The following UBOX5 variants were observed in gnomAD, a reference collection of about 807,000 sequenced individuals.
The protein encoded by UBOX5 is RING finger protein 37.
UBOX5 carries 28 observed loss-of-function variants against 39.0 expected under a neutral mutation model. The observed-to-expected ratio is 0.72, with a 90% CI of 0.53 to 0.98. The LOEUF (loss-of-function observed/expected upper bound fraction) is 0.98. UBOX5 is among the 50% of genes least tolerant of loss of function. The pLI is 0.00. For missense variants in UBOX5, 585 were observed against 674.4 expected, an observed-to-expected ratio of 0.87 and a Z score of 1.47; for synonymous variants, 283 against 275.5, an observed-to-expected ratio of 1.03 and a Z score of -0.27.
In UBOX5 at chr20:3,147,591, G is replaced by A. The variant is rs145181106; in HGVS notation, c.-42+12175C>T. ...GCTAACCTGACAAACCCTGGACTGA[G>A]AGCGAAATCAATTAACTCTACTGGA... is the stretch of plus-strand genomic sequence containing the variant. On this transcript the variant is annotated intron_variant, in intron 1 of 4. Transcript: ENST00000217173. The A allele has an allele frequency of 5.0e-6, 8 of 1,614,074 alleles. No homozygotes were observed. The African/African-American group carries it at 5.3e-5, about 11-fold the overall frequency.
In UBOX5 at chr20:3,110,285, A is replaced by G; in HGVS notation, c.1447T>C (p.Cys483Arg). The G allele has an allele frequency of 6.2e-7, 1 of 1,614,166 alleles. No homozygotes were observed. ...EQPGSILGPE[C>R]ASCKRVFSPY... is the part of the protein sequence containing the mutation. The stretch of plus-strand genomic sequence containing the variant: ...GAAAATACTCTTTTGCAGGAGGCAC[A>G]TTCGGGGCCCAGGATGCTCCCAGGC... Residue 483 changes from cysteine to arginine, a missense_variant, in exon 5 of 5, where the codon TGT (cysteine) becomes CGT (arginine). By Grantham distance (180) the Cys-to-Arg change is radical. Coordinates refer to ENST00000217173, the MANE Select transcript of UBOX5 (RefSeq NM_014948.4).
intron 1 of UBOX5, chr20:3,146,912 A>G: frequency 6.2e-7 from 1 of 1,614,184 alleles, no homozygotes; most frequent in Non-Finnish European, 8.5e-7. Flanking sequence ...CCGCCTCTTC[A>G]TATTGTGCAG....
At chr20:3,117,260 AT>A (rs2066300244) in intron 3 of UBOX5, among the ~76,000 whole-genome samples, 1 of 150,410 alleles carries the variant, frequency 6.6e-6, no homozygotes, top group Non-Finnish European at 1.5e-5. Context: ...GAACAAAAAA[AT>A]CATCAATGAC....
Position 3,155,341 on chromosome 20 carries a change from C to T in UBOX5, c.-42+4425G>A, listed in dbSNP as rs1217847775. On this transcript the variant is annotated intron_variant, in intron 1 of 4. Coordinates refer to ENST00000217173, the MANE Select transcript of UBOX5 (RefSeq NM_014948.4). ...GGTCAGGAGTTTGAGACCAGCCTGGCCAACGTGGCGAAACCACGTCTCTCC... is the reference window on the plus strand; with the variant it reads ...GGTCAGGAGTTTGAGACCAGCCTGGTCAACGTGGCGAAACCACGTCTCTCC... 3.9e-5 allele frequency among the ~76,000 whole-genome samples: 6 copies of T among 152,138 alleles called. No individual in the cohort carries two copies. In the East Asian group the frequency reaches 1.2e-3, roughly 29 times the overall value.
rs1250700988 is a variant in UBOX5, at chr20:3,110,184, C to T, written c.1548G>A (p.Lys516=). Residue 516 remains lysine, a synonymous_variant, in exon 5 of 5, where the codon AAG becomes AAA. Coordinates refer to ENST00000217173, the MANE Select transcript of UBOX5 (RefSeq NM_014948.4). ...HLLCRPCLGE[K]QRSLPMTCTA... is the part of the protein sequence containing the mutation. ...TGCACGTCATGGGCAGGGAGCGTTG[C>T]TTCTCACCCAGGCAGGGTCGGCACA... 5 of 1,613,720 alleles carry T rather than the reference C, an allele frequency of 3.1e-6. No homozygotes were observed. The African/African-American group carries it at 6.7e-5, about 22-fold the overall frequency.
At chr20:3,157,850 G>A (rs2066702888) in intron 1 of UBOX5, among the ~76,000 whole-genome samples, 3 of 152,118 alleles carry the variant, frequency 2.0e-5, no homozygotes, top group Admixed American at 1.3e-4. Context: ...GCTGTATAGA[G>A]GCTGTATAGT....
chr20:3,157,945 G>C (rs2066704970), intron 1 of UBOX5, among the ~76,000 whole-genome samples: 1 of 150,410 alleles, frequency 6.6e-6, no homozygotes, highest in African/African-American at 2.5e-5. Context: ...GTTCAGTCTG[G>C]AGGGCAGTGG....
At chr20:3,138,453 A>G (rs1209920533) in intron 1 of UBOX5, among the ~76,000 whole-genome samples, 1 of 152,076 alleles carries the variant, frequency 6.6e-6, no homozygotes, top group African/African-American at 2.4e-5. Context: ...ATGTATTGAA[A>G]GTTGATGTAT....
At chr20:3,154,430 A>G (rs1347422581) in intron 1 of UBOX5, among the ~76,000 whole-genome samples, 1 of 152,254 alleles carries the variant, frequency 6.6e-6, no homozygotes, top group East Asian at 1.9e-4. Flanking sequence ...TCCTGTAATC[A>G]TAGTACTCTG....
intron 3 of UBOX5, among the ~76,000 whole-genome samples, chr20:3,120,624 C>T (rs57768788): frequency 1.6e-4 from 22 of 140,334 alleles, no homozygotes; most frequent in Non-Finnish European, 2.3e-4. Flanking sequence ...CCAGCCTGGG[C>T]GACACAGCGA....
chr20:3,155,336 C>T (rs2122129353), intron 1 of UBOX5, among the ~76,000 whole-genome samples: 2 of 152,280 alleles, frequency 1.3e-5, no homozygotes, highest in Admixed American at 1.3e-4. Context: ...TTGAGACCAG[C>T]CTGGCCAACG....
Position 3,121,449 on chromosome 20 carries a change from T to C in UBOX5, c.1190A>G (p.Glu397Gly), listed in dbSNP as rs1346820977. Residue 397 changes from glutamate (E) to glycine (G), a missense_variant, in exon 3 of 5, where the codon GAG (glutamate) becomes GGG (glycine). By Grantham distance (98) the Glu-to-Gly change is moderately conservative (BLOSUM62 -2). Coordinates refer to ENST00000217173, the MANE Select transcript of UBOX5 (RefSeq NM_014948.4). ...TSPLVLPTTSEHTAKKMKATN... is the reference protein window; with the variant it reads ...TSPLVLPTTSGHTAKKMKATN... The stretch of plus-strand genomic sequence containing the variant: ...GGCTTTCATTTTCTTAGCAGTGTGC[T>C]CTGAGGTAGTGGGTAAGACCAAAGG... 2 of 1,613,992 alleles carry C rather than the reference T, an allele frequency of 1.2e-6. No individual in the cohort carries two copies. The highest frequency in any genetic ancestry group is 3.3e-5 in the Admixed American group (2 of 59,998).
chr20:3,148,524 C>T, intron 1 of UBOX5: 3 of 1,614,100 alleles, frequency 1.9e-6, no homozygotes, highest in Non-Finnish European at 2.5e-6. Context: ...CTGGTACTGC[C>T]CAGCAAGACA....
chr20:3,112,423 T>C (rs1340959447), intron 4 of UBOX5, among the ~76,000 whole-genome samples: 1 of 134,726 alleles, frequency 7.4e-6, no homozygotes, highest in Non-Finnish European at 1.5e-5. Context: ...GCAGTTTCAG[T>C]GACAGAAAAA....
At chr20:3,138,400 G>A (rs913751105) in intron 1 of UBOX5, among the ~76,000 whole-genome samples, 4 of 152,066 alleles carry the variant, frequency 2.6e-5, no homozygotes, top group East Asian at 1.9e-4. Flanking sequence ...GTAAACATCC[G>A]ACATACTAGG....
chr20:3,158,570 G>A (rs2066713889), intron 1 of UBOX5, among the ~76,000 whole-genome samples: 1 of 152,148 alleles, frequency 6.6e-6, no homozygotes, highest in Non-Finnish European at 1.5e-5. Flanking sequence ...GCCTCCCGGG[G>A]TTCACGCCAC....
rs1008550134 is a variant in UBOX5, at chr20:3,149,225, G to A, written c.-42+10541C>T. ...TCTTCAGCATATCACAAGAGCCAGGGATCACAAATGACTGGGTCAGAATTG... is the reference window on the plus strand; with the variant it reads ...TCTTCAGCATATCACAAGAGCCAGGAATCACAAATGACTGGGTCAGAATTG... On this transcript the variant is annotated intron_variant, in intron 1 of 4. Transcript: ENST00000217173. This position sits in a 1 kb window ranked among gnomAD's most constrained non-coding sequence, Gnocchi z 4.1. 2.8e-6 allele frequency: 2 copies of A among 725,892 alleles called. No homozygotes were observed. The highest frequency in any genetic ancestry group is 3.6e-5 in the African/African-American group (2 of 56,030). The allele number at this position is 725,892 out of a possible 1,614,324, so 45.0% of individuals were successfully genotyped here.
intron 1 of UBOX5, chr20:3,148,237 C>T (rs1214946971): frequency 5.0e-6 from 8 of 1,613,964 alleles, no homozygotes; most frequent in Non-Finnish European, 4.2e-6. Flanking sequence ...CTAGCTGAGA[C>T]AAGGATAGAT....
Position 3,155,685 on chromosome 20 carries a change from T to C in UBOX5, c.-42+4081A>G, listed in dbSNP as rs545787083. Among the ~76,000 whole-genome samples the C allele has an allele frequency of 2.6e-5, 4 of 152,348 alleles. No individual in the cohort carries two copies. In the South Asian group the frequency reaches 8.3e-4, roughly 32 times the overall value. On this transcript the variant is annotated intron_variant, in intron 1 of 4. Transcript: ENST00000217173. The stretch of plus-strand genomic sequence containing the variant: ...GAAGATATTATGGTATTGTTCAAGA[T>C]AATGAATGGAGAAAGTAGCTTAATA...
Sources: gnomAD v4.1 joint callset for allele counts (sites outside exome capture counted in the v4.1 genomes callset) on GRCh38, gnomAD v4.1.1 for gene constraint, Gnocchi (gnomAD v3.1) non-coding constraint, MANE v1.5 for transcripts, NCBI Gene and HGNC (gene_info 2026-07-23, HGNC 2026-07-21) for gene names.